The following FRMD6 variants were observed in gnomAD, a reference collection of about 807,000 sequenced individuals.
The protein encoded by FRMD6 is FERM domain-containing protein 6.
A neutral mutation model predicts 73.2 loss-of-function variants in FRMD6; 37 were observed. That is an observed-to-expected ratio of 0.51 (90% CI 0.39 to 0.66). FRMD6 has a LOEUF of 0.66. FRMD6 is among the 30% of genes least tolerant of loss of function. The pLI is 0.00. For synonymous variants in FRMD6, 273 were observed against 282.2 expected (o/e 0.97, Z 0.33); for missense variants, 714 against 780.5 (o/e 0.91, Z 1.02).
chr14:51,482,789 C>A, the FRMD6 span, among the ~76,000 whole-genome samples: 1 of 152,020 alleles, frequency 6.6e-6, no homozygotes, highest in African/African-American at 2.4e-5. Context: ...CAACCTCTGC[C>A]TCCTGGGTTC....
At chr14:51,469,177 T>G in the FRMD6 span, among the ~76,000 whole-genome samples, 1 of 151,968 alleles carries the variant, frequency 6.6e-6, no homozygotes, top group East Asian at 1.9e-4. Flanking sequence ...CCTGACTTTG[T>G]GATCCGCCGC....
intron 1 of FRMD6, among the ~76,000 whole-genome samples, chr14:51,654,671 T>C (rs1389893874): frequency 6.6e-6 from 1 of 152,158 alleles, no homozygotes; most frequent in South Asian, 2.1e-4. Flanking sequence ...AGTCCAGATG[T>C]AAAAATGTAT....
chr14:51,479,259 G>T, the FRMD6 span, among the ~76,000 whole-genome samples: 1 of 152,158 alleles, frequency 6.6e-6, no homozygotes, highest in Non-Finnish European at 1.5e-5. Context: ...TAAAGGGTTG[G>T]TTTAACATTT....
intron 10 of FRMD6, among the ~76,000 whole-genome samples, chr14:51,717,698 C>CTT (rs1897312038): frequency 6.6e-6 from 1 of 152,104 alleles, no homozygotes; most frequent in Admixed American, 6.6e-5. Context: ...CATTTAAGGG[C>CTT]TTTATCATTT....
chr14:51,415,677 T>C, the FRMD6 span, among the ~76,000 whole-genome samples: 2 of 152,250 alleles, frequency 1.3e-5, no homozygotes, highest in Admixed American at 1.3e-4. Context: ...TAAAATGAGT[T>C]AGGGAGGATT....
At chr14:51,664,940 A>G (rs557803233) in intron 1 of FRMD6, among the ~76,000 whole-genome samples, 1 of 152,330 alleles carries the variant, frequency 6.6e-6, no homozygotes, top group African/African-American at 2.4e-5. Flanking sequence ...TACATTGTAG[A>G]TACTGGAGTA....
chr14:51,478,581 G>C, the FRMD6 span, among the ~76,000 whole-genome samples: 1 of 152,180 alleles, frequency 6.6e-6, no homozygotes, highest in Non-Finnish European at 1.5e-5. Flanking sequence ...GAGGGAGGAG[G>C]AATCTCGTGA....
rs537997099 is a variant in FRMD6, at chr14:51,653,022, C to T, written c.-147+1026C>T. Among the ~76,000 whole-genome samples, 4 of 152,310 alleles carry T rather than the reference C, an allele frequency of 2.6e-5. No individual in the cohort carries two copies. In the South Asian group the frequency reaches 6.2e-4, roughly 24 times the overall value. On this transcript the variant is annotated intron_variant, in intron 1 of 13. Coordinates refer to ENST00000344768, the MANE Select transcript of FRMD6 (RefSeq NM_001267046.2). ...TATTAGCTCGTTTTCCCCCTTAACACCTTTTCATTTTTATTTTTTTACGCA... is the reference window on the plus strand; with the variant it reads ...TATTAGCTCGTTTTCCCCCTTAACATCTTTTCATTTTTATTTTTTTACGCA...
chr14:51,700,715 T>C lies in FRMD6; in HGVS notation c.191-341T>C, dbSNP rs149029603. ...CTTTGAGCTGAACAAAAGCATGTTTTCCTAAGACTAACACCCACAGTGTTA... is the reference window on the plus strand; with the variant it reads ...CTTTGAGCTGAACAAAAGCATGTTTCCCTAAGACTAACACCCACAGTGTTA... On this transcript the variant is annotated intron_variant, in intron 3 of 13. Coordinates refer to ENST00000344768, the MANE Select transcript of FRMD6 (RefSeq NM_001267046.2). 1.8e-3 allele frequency among the ~76,000 whole-genome samples: 272 copies of C among 152,084 alleles called. 1 individual carries two copies. Among genetic ancestry groups the C allele is most frequent in the African/African-American group, 5.8e-3 (240 of 41,550 alleles).
At chr14:51,715,281 A>C in intron 9 of FRMD6, 44 bp from the exon 10 acceptor site, 3 of 1,419,164 alleles carry the variant, frequency 2.1e-6, no homozygotes, top group East Asian at 2.5e-5. Flanking sequence ...TTGGCAAATC[A>C]GAGATTTTTC....
chr14:51,436,385 G>T, the FRMD6 span: 1 of 452,682 alleles, frequency 2.2e-6, no homozygotes, highest in South Asian at 2.2e-5. Flanking sequence ...AAGAGGCAGT[G>T]CATTACTTGA....
intron 1 of FRMD6, among the ~76,000 whole-genome samples, chr14:51,687,878 A>C (rs1251925207): frequency 6.6e-6 from 1 of 152,050 alleles, no homozygotes; most frequent in African/African-American, 2.4e-5. Flanking sequence ...ATATTTTTCC[A>C]ATGTATTATA....
At chr14:51,602,692 G>A (rs748383371) in intron 2 of FRMD6, among the ~76,000 whole-genome samples, 1 of 152,134 alleles carries the variant, frequency 6.6e-6, no homozygotes, top group Non-Finnish European at 1.5e-5. Context: ...TACAAGAAAA[G>A]CCTGTCAACT....
At chr14:51,647,176 TTGA>T (rs1331969829), upstream of FRMD6, among the ~76,000 whole-genome samples, 1 of 152,186 alleles carries the variant, frequency 6.6e-6, no homozygotes, top group Non-Finnish European at 1.5e-5. Context: ...TTTTCAAAAT[TTGA>T]TGATCAGGAG....
intron 12 of FRMD6, among the ~76,000 whole-genome samples, chr14:51,722,606 G>A (rs570625433): frequency 5.7e-4 from 87 of 152,018 alleles, no homozygotes; most frequent in Non-Finnish European, 1.0e-3. Context: ...TTCCATATTC[G>A]TATGAATTCC....
the FRMD6 span, among the ~76,000 whole-genome samples, chr14:51,452,013 A>G: frequency 6.6e-6 from 1 of 152,196 alleles, no homozygotes; most frequent in Admixed American, 6.5e-5. Context: ...GGAATGCTTT[A>G]AGCAGGGCAG....
chr14:51,533,900 C>T (rs1885739172), intron 1 of FRMD6, among the ~76,000 whole-genome samples: 1 of 152,180 alleles, frequency 6.6e-6, no homozygotes, highest in East Asian at 1.9e-4. Context: ...TCCTGGTGGG[C>T]TACTTTCTTC....
the FRMD6 span, among the ~76,000 whole-genome samples, chr14:51,424,978 T>C: frequency 6.6e-6 from 1 of 152,214 alleles, no homozygotes. Flanking sequence ...CATTTTGACT[T>C]GGGCAGGACT....
intron 11 of FRMD6, 66 bp from the exon 12 acceptor site, chr14:51,721,883 T>A (rs1021313447): frequency 2.5e-6 from 4 of 1,571,140 alleles, no homozygotes; most frequent in Non-Finnish European, 2.6e-6. Flanking sequence ...CCTCAAAATA[T>A]GGTTGCATAT....
Sources: gnomAD v4.1 joint callset for allele counts (sites outside exome capture counted in the v4.1 genomes callset) on GRCh38, gnomAD v4.1.1 for gene constraint, MANE v1.5 for transcripts, NCBI Gene and HGNC (gene_info 2026-07-23, HGNC 2026-07-21) for gene names.